The following PTPRN2 variants were observed in gnomAD, a reference collection of about 807,000 sequenced individuals.
PTPRN2 encodes the protein receptor-type tyrosine-protein phosphatase N2.
A neutral mutation model predicts 118.8 loss-of-function variants in PTPRN2; 74 were observed. That is an observed-to-expected ratio of 0.62 (90% CI 0.52 to 0.76). The LOEUF (loss-of-function observed/expected upper bound fraction) is 0.76. Ranked by LOEUF, PTPRN2 falls within the 30% of genes least tolerant of loss-of-function variation. The pLI, the probability that PTPRN2 is intolerant of heterozygous loss-of-function variation, is 0.00. For synonymous variants in PTPRN2, 641 were observed against 608.0 expected, an observed-to-expected ratio of 1.05 and a Z score of -0.80; for missense variants, 1,481 against 1,394.4, an observed-to-expected ratio of 1.06 and a Z score of -0.99.
chr7:157,774,713 A>T (rs945052468), intron 12 of PTPRN2, among the ~76,000 whole-genome samples: 2 of 152,148 alleles, frequency 1.3e-5, no homozygotes, highest in Non-Finnish European at 2.9e-5. Flanking sequence ...ACTCAGCCTC[A>T]TGGTACAGCA....
intron 21 of PTPRN2, among the ~76,000 whole-genome samples, chr7:157,558,968 G>A (rs1274627123): frequency 6.6e-6 from 1 of 152,256 alleles, no homozygotes; most frequent in East Asian, 1.9e-4. Flanking sequence ...TTTGACCTCG[G>A]AAACAGGAGA....
chr7:157,701,819 C>T (rs1326860947), intron 12 of PTPRN2, among the ~76,000 whole-genome samples: 4 of 150,738 alleles, frequency 2.7e-5, no homozygotes, highest in East Asian at 2.0e-4. Context: ...GTGTAACTGA[C>T]GCGGGCTGTG....
At chr7:158,507,509 G>A (rs548830800) in intron 1 of PTPRN2, among the ~76,000 whole-genome samples, 133 of 148,034 alleles carry the variant, frequency 9.0e-4, no homozygotes, top group African/African-American at 2.4e-3. Context: ...ACAGCCCTGC[G>A]CTGGGCGGGA....
At chr7:158,393,825 C>T (rs965633831) in intron 2 of PTPRN2, among the ~76,000 whole-genome samples, 4 of 152,118 alleles carry the variant, frequency 2.6e-5, no homozygotes, top group African/African-American at 7.2e-5. Context: ...GCTTCTCAAA[C>T]GTGGTGAGCA....
intron 3 of PTPRN2, among the ~76,000 whole-genome samples, chr7:158,242,048 T>C (rs1027562712): frequency 2.0e-4 from 31 of 152,272 alleles, no homozygotes; most frequent in African/African-American, 7.5e-4. Context: ...GTCCAAATCT[T>C]AACTGACTCT....
At position 158,275,774 on chromosome 7, in the gene PTPRN2, G is replaced by C. The variant is rs911629578; in HGVS notation, c.277+41045C>G. Among the ~76,000 whole-genome samples, 6 of 152,142 alleles carry C rather than the reference G, an allele frequency of 3.9e-5. No homozygotes were observed. In the East Asian group the frequency reaches 1.2e-3, roughly 29 times the overall value. On this transcript the variant is annotated intron_variant, in intron 3 of 22. Transcript: ENST00000389418. ...AGGCAGAGCCGAACTCCCAGAAGAA[G>C]AGTTGCAGTGATGGGGCCTCCACCG...
intron 3 of PTPRN2, among the ~76,000 whole-genome samples, chr7:158,234,979 G>A (rs954041925): frequency 6.6e-6 from 1 of 152,252 alleles, no homozygotes; most frequent in South Asian, 2.1e-4. Context: ...GGCCAGGCTG[G>A]TCTCGATCTC....
intron 2 of PTPRN2, among the ~76,000 whole-genome samples, chr7:158,346,395 T>C (rs779935893): frequency 1.3e-4 from 20 of 152,222 alleles, no homozygotes; most frequent in Non-Finnish European, 2.5e-4. Flanking sequence ...TATTTGTCTT[T>C]CTGTGCCTGG....
rs139238663 is a variant in PTPRN2, at chr7:157,752,100, C to T, written c.1789-69163G>A. ...ATCCACGAGCTCCTGCACCCCAAAC[C>T]CCAGGCTCCTCCACACGCACTCACG... On this transcript the variant is annotated intron_variant, in intron 12 of 22. Transcript: ENST00000389418. Among the ~76,000 whole-genome samples the T allele has an allele frequency of 1.3e-3, 194 of 152,304 alleles. 1 individual carries two copies. The highest frequency in any genetic ancestry group is 3.4e-3 in the Middle Eastern group (1 of 294).
intron 3 of PTPRN2, among the ~76,000 whole-genome samples, chr7:158,314,005 A>G (rs1802085741): frequency 6.6e-6 from 1 of 151,664 alleles, no homozygotes; most frequent in Admixed American, 6.6e-5. Context: ...ACGCCCACCC[A>G]GGCAGGGCCC....
At chr7:157,633,842 A>C (rs1804123300) in intron 14 of PTPRN2, among the ~76,000 whole-genome samples, 1 of 152,216 alleles carries the variant, frequency 6.6e-6, no homozygotes, top group African/African-American at 2.4e-5. Context: ...TCAGCAGTTT[A>C]TTTTAAGAGC....
At chr7:158,117,169 G>T (rs1816795479) in intron 9 of PTPRN2, among the ~76,000 whole-genome samples, 1 of 151,890 alleles carries the variant, frequency 6.6e-6, no homozygotes, top group East Asian at 1.9e-4. Flanking sequence ...ACAAAAGAAA[G>T]ATGTAAAGAA....
intron 1 of PTPRN2, among the ~76,000 whole-genome samples, chr7:158,504,569 G>A (rs1018515286): frequency 2.0e-5 from 3 of 152,174 alleles, no homozygotes; most frequent in East Asian, 3.9e-4. Flanking sequence ...TGGTGTGTAC[G>A]TATGTACCAC....
At chr7:157,920,191 A>G (rs1016977639) in intron 11 of PTPRN2, among the ~76,000 whole-genome samples, 1 of 152,208 alleles carries the variant, frequency 6.6e-6, no homozygotes, top group Non-Finnish European at 1.5e-5. Context: ...TTGAACTATG[A>G]ACAAAGAAAA....
chr7:158,366,466 G>C (rs1809533714), intron 2 of PTPRN2, among the ~76,000 whole-genome samples: 1 of 152,200 alleles, frequency 6.6e-6, no homozygotes, highest in Non-Finnish European at 1.5e-5. Flanking sequence ...CACACCCACA[G>C]CATCCCTGGG....
chr7:158,270,400 G>A (rs1307044695), intron 3 of PTPRN2, among the ~76,000 whole-genome samples: 1 of 152,134 alleles, frequency 6.6e-6, no homozygotes, highest in Non-Finnish European at 1.5e-5. Context: ...CCCACTCCAT[G>A]TCACTGGTGA....
intron 12 of PTPRN2, among the ~76,000 whole-genome samples, chr7:157,823,181 G>A (rs1053564096): frequency 5.3e-5 from 8 of 152,022 alleles, no homozygotes; most frequent in Non-Finnish European, 8.8e-5. Context: ...TTCTATTGAG[G>A]ACCCATATTG....
intron 12 of PTPRN2, among the ~76,000 whole-genome samples, chr7:157,816,813 C>T (rs945399087): frequency 1.3e-5 from 2 of 152,224 alleles, no homozygotes; most frequent in Non-Finnish European, 2.9e-5. Flanking sequence ...CTGGCCCCCT[C>T]TCTTGCCCCA....
rs536434153 is a variant in PTPRN2 at position 157,964,582 on chromosome 7, C to T, written c.1724-65845G>A. 2.6e-5 allele frequency among the ~76,000 whole-genome samples: 4 copies of T among 152,342 alleles called. No individual in the cohort carries two copies. In the East Asian group the frequency reaches 5.8e-4, roughly 22 times the overall value. ...ATCCACAACCCCGTGCAGGCCACAA[C>T]ACAGGAGCAGGTGCAGCAGGGCCCT... is the stretch of plus-strand genomic sequence containing the variant. On this transcript the variant is annotated intron_variant, in intron 11 of 22. Coordinates refer to ENST00000389418, the MANE Select transcript of PTPRN2 (RefSeq NM_002847.5). The surrounding 1 kb of genome is among the most constrained non-coding windows in gnomAD (Gnocchi z 9.0).
Sources: gnomAD v4.1 joint callset for allele counts (sites outside exome capture counted in the v4.1 genomes callset) on GRCh38, gnomAD v4.1.1 for gene constraint, Gnocchi (gnomAD v3.1) non-coding constraint, MANE v1.5 for transcripts, NCBI Gene and HGNC (gene_info 2026-07-23, HGNC 2026-07-21) for gene names.